Variants in MCF2L observed in about 807,000 individuals in gnomAD.
MCF2L encodes the protein guanine nucleotide exchange factor DBS.
A neutral mutation model predicts 153.4 loss-of-function variants in MCF2L; 97 were observed. The observed-to-expected ratio is 0.63, with a 90% CI of 0.54 to 0.75. MCF2L has a LOEUF of 0.75. Among genes scored for constraint, MCF2L ranks in the 30% least tolerant of loss-of-function variants. MCF2L has a pLI of 0.00. For synonymous variants in MCF2L, 659 were observed against 632.2 expected (o/e 1.04, Z -0.64); for missense variants, 1,347 against 1,495.2 (o/e 0.90, Z 1.64).
At chr13:112,947,720 C>G (rs1392818297) in intron 2 of MCF2L, among the ~76,000 whole-genome samples, 1 of 152,196 alleles carries the variant, frequency 6.6e-6, no homozygotes. Context: ...GGTTGCTGGG[C>G]TCAGTTCACC....
At chr13:112,999,293 G>T (rs1039375010) in intron 1 of MCF2L, among the ~76,000 whole-genome samples, 14 of 152,262 alleles carry the variant, frequency 9.2e-5, no homozygotes, top group African/African-American at 3.1e-4. Flanking sequence ...ACTTCAGTGT[G>T]ACAAGACATC....
chr13:113,023,359 C>T (rs1396365601), intron 2 of MCF2L, among the ~76,000 whole-genome samples: 4 of 152,230 alleles, frequency 2.6e-5, no homozygotes, highest in African/African-American at 7.2e-5. Flanking sequence ...ACTGAGGAGA[C>T]GCCCACAGGG....
In MCF2L at chr13:113,028,225, G is replaced by T. The variant is rs2141330378; in HGVS notation, c.278+3467G>T. ...ACATCCCTTTCTCAAGATTTTTCTA[G>T]AATCTGCGGAGTTCCTTAGCTACCC... On this transcript the variant is annotated intron_variant, in intron 3 of 29. Transcript: ENST00000535094. This position sits in a 1 kb window ranked among gnomAD's most constrained non-coding sequence, Gnocchi z 5.4. 6.6e-6 allele frequency among the ~76,000 whole-genome samples: 1 copy of T among 152,256 alleles called. No individual in the cohort carries two copies. Among genetic ancestry groups the T allele is most frequent in the African/African-American group, 2.4e-5 (1 of 41,544 alleles).
At chr13:113,006,893 C>T (rs995718730) in intron 1 of MCF2L, among the ~76,000 whole-genome samples, 6 of 152,164 alleles carry the variant, frequency 3.9e-5, no homozygotes, top group Non-Finnish European at 7.3e-5. Flanking sequence ...GGGGAGGCAG[C>T]GGAGCCATGG....
chr13:113,091,088 C>T (rs41306043), intron 26 of MCF2L: 188,053 of 1,302,612 alleles, frequency 0.14, 14,778 homozygotes, highest in East Asian at 0.23. Flanking sequence ...ACTCTCTCTC[C>T]GGTTGTATTT....
chr13:113,089,198 G>A (rs1459833461), intron 25 of MCF2L, among the ~76,000 whole-genome samples: 1 of 92,778 alleles, frequency 1.1e-5, no homozygotes, highest in Non-Finnish European at 1.9e-5. Context: ...GAAAAAAAAA[G>A]CCTCATACTT....
chr13:112,962,446 C>A (rs1477989230), intron 2 of MCF2L, among the ~76,000 whole-genome samples: 1 of 152,218 alleles, frequency 6.6e-6, no homozygotes. Context: ...TCGGCTGGGC[C>A]TGCTGTGCTG....
At chr13:113,091,000 G>A in intron 26 of MCF2L, 2 of 1,250,624 alleles carry the variant, frequency 1.6e-6, no homozygotes, top group East Asian at 1.1e-4. Context: ...TTCATCGGTG[G>A]AAAGGGGCCA....
intron 2 of MCF2L, among the ~76,000 whole-genome samples, chr13:112,921,407 T>C (rs1193322916): frequency 4.6e-5 from 7 of 152,190 alleles, no homozygotes; most frequent in African/African-American, 1.7e-4. Context: ...ACACACTGTT[T>C]ACCTGTCAGC....
chr13:113,014,498 T>G (rs941452146), intron 1 of MCF2L, among the ~76,000 whole-genome samples: 2 of 152,200 alleles, frequency 1.3e-5, no homozygotes, highest in African/African-American at 4.8e-5. Flanking sequence ...TCTTTGTCCC[T>G]CCCTCTCTCT....
At chr13:113,014,076 C>G (rs770918291) in intron 1 of MCF2L, among the ~76,000 whole-genome samples, 7 of 152,234 alleles carry the variant, frequency 4.6e-5, no homozygotes, top group Non-Finnish European at 7.3e-5. Flanking sequence ...TGGCCTAGTG[C>G]TCCCAGCTGG....
chr13:113,066,643 G>C (rs181570689), intron 8 of MCF2L, among the ~76,000 whole-genome samples: 2 of 152,106 alleles, frequency 1.3e-5, no homozygotes, highest in Non-Finnish European at 2.9e-5. Context: ...TAGGGCACTC[G>C]TGTGGTTGGC....
intron 2 of MCF2L, among the ~76,000 whole-genome samples, chr13:112,911,339 G>C (rs1047702283): frequency 6.6e-6 from 1 of 152,242 alleles, no homozygotes; most frequent in African/African-American, 2.4e-5. Flanking sequence ...TTGGGTCCCG[G>C]GGTCTGTCTG....
intron 26 of MCF2L, chr13:113,090,444 ACCCCCGCCTT>A (rs2035097210): frequency 5.1e-5 from 5 of 98,402 alleles, no homozygotes; most frequent in Non-Finnish European, 7.1e-5. Flanking sequence ...CCTGCCCCCC[ACCCCCGCCTT>A]CTCCCGCCTT....
At chr13:112,977,317 G>A (rs559365733) in intron 1 of MCF2L, among the ~76,000 whole-genome samples, 2 of 152,072 alleles carry the variant, frequency 1.3e-5, no homozygotes, top group Non-Finnish European at 2.9e-5. Flanking sequence ...GCCAACCAGC[G>A]GGGTGACAGG....
intron 17 of MCF2L, 25 bp downstream of exon 17, chr13:113,082,567 C>A: frequency 6.8e-7 from 1 of 1,479,280 alleles, no homozygotes; most frequent in Non-Finnish European, 9.4e-7. Flanking sequence ...CCGACACAGG[C>A]ACGCACCCGT....
intron 7 of MCF2L, 95 bp from the exon 8 acceptor site, chr13:113,065,951 C>T (rs568464170): frequency 3.7e-5 from 50 of 1,355,092 alleles, no homozygotes; most frequent in South Asian, 1.7e-4. Flanking sequence ...CCTCAGTCCC[C>T]GCCCCCTCAA....
In MCF2L at chr13:113,070,324, T is replaced by A; in HGVS notation, c.996+151T>A. 2.0e-6 allele frequency: 1 copy of A among 505,008 alleles called. No individual in the cohort carries two copies. Among genetic ancestry groups the A allele is most frequent in the Non-Finnish European group, 3.4e-6 (1 of 290,786 alleles). The allele number at this position is 505,008 out of a possible 1,614,324, so 31.3% of individuals were successfully genotyped here. ...GTCTCCGCTTGCCAGGTGGAGCCTG[T>A]GAGATTAAGTCAGGCTGAGCCTTGA... On this transcript the variant is annotated intron_variant, in intron 9 of 29. Transcript: ENST00000535094. This position sits in a 1 kb window ranked among gnomAD's most constrained non-coding sequence, Gnocchi z 5.6.
chr13:113,047,479 C>T (rs2086887324), intron 4 of MCF2L: 2 of 152,260 alleles, frequency 1.3e-5, no homozygotes. Flanking sequence ...TGGGAAGCAC[C>T]CATCCGTCCT....
Sources: gnomAD v4.1 joint callset for allele counts (sites outside exome capture counted in the v4.1 genomes callset) on GRCh38, gnomAD v4.1.1 for gene constraint, Gnocchi (gnomAD v3.1) non-coding constraint, MANE v1.5 for transcripts, NCBI Gene and HGNC (gene_info 2026-07-23, HGNC 2026-07-21) for gene names.